COL7A1: variants seen among roughly 807,000 people sequenced by gnomAD.
COL7A1 encodes the protein collagen alpha-1(VII) chain.
In COL7A1, 296 loss-of-function variants were observed where a neutral mutation model predicts 456.2. That is an observed-to-expected ratio of 0.65 (90% confidence interval 0.59 to 0.71). The LOEUF is 0.71. Among genes scored for constraint, COL7A1 ranks in the 30% least tolerant of loss-of-function variants. The pLI is 0.00. For missense variants in COL7A1, 3,441 were observed against 4,017.2 expected (o/e 0.86, Z 3.88); for synonymous variants, 1,464 against 1,525.9 (o/e 0.96, Z 0.95).
Position 48,570,846 on chromosome 3 carries a change from T to A in COL7A1, c.7272+15A>T, listed in dbSNP as rs755523709. On this transcript the variant is annotated intron_variant, in intron 95 of 118. Transcript: ENST00000681320. The surrounding 1 kb of genome is among the most constrained non-coding windows in gnomAD (Gnocchi z 5.5). Reference sequence around the variant, plus strand: ...GGATTCACCATGCCCCTACATGCTGTTCCCAGCCCCTCACCCGCTCTCCAC... The same window carrying A: ...GGATTCACCATGCCCCTACATGCTGATCCCAGCCCCTCACCCGCTCTCCAC... 6.2e-7 allele frequency: 1 copy of A among 1,601,492 alleles called. No homozygotes were observed. The highest frequency in any genetic ancestry group is 1.1e-5 in the South Asian group (1 of 88,950).
rs973451990 is a variant in COL7A1, at chr3:48,575,815, C to G, written c.5856+52G>C. On this transcript the variant is annotated intron_variant, in intron 72 of 118. Transcript: ENST00000681320. The surrounding 1 kb of genome is among the most constrained non-coding windows in gnomAD (Gnocchi z 6.3). ...GCAGCCCCTATGCCTGTGGGCACCA[C>G]TAGCCCCAAGGGCCCCCACTTGTCC... 84 of 1,613,960 alleles carry G rather than the reference C, an allele frequency of 5.2e-5. No homozygotes were observed. Among genetic ancestry groups the G allele is most frequent in the South Asian group, 1.8e-4 (16 of 91,096 alleles).
rs753403021 is a variant in COL7A1, at chr3:48,574,775, C to T, written c.6348+22G>A. 15 of 1,613,818 alleles carry T rather than the reference C, an allele frequency of 9.3e-6. No individual in the cohort carries two copies. The highest frequency in any genetic ancestry group is 2.2e-5 in the South Asian group (2 of 91,090). On this transcript the variant is annotated intron_variant, in intron 77 of 118. Coordinates refer to ENST00000681320, the MANE Select transcript of COL7A1 (RefSeq NM_000094.4). The surrounding 1 kb of genome is among the most constrained non-coding windows in gnomAD (Gnocchi z 5.0). The stretch of plus-strand genomic sequence containing the variant: ...CTAGTGCCATGGCAGAGGGTGGCCC[C>T]GAGCTGATTCCACACACTGACCTTA...
Position 48,590,893 on chromosome 3 carries a change from G to A in COL7A1, c.1637-77C>T, listed in dbSNP as rs1004520009. ...TGGGACGATGGCAGTGATGGACAGG[G>A]ACGCAGAGTGAGAAGGGCCATGGGG... On this transcript the variant is annotated intron_variant, in intron 13 of 118. Coordinates refer to ENST00000681320, the MANE Select transcript of COL7A1 (RefSeq NM_000094.4). The surrounding 1 kb of genome is among the most constrained non-coding windows in gnomAD (Gnocchi z 4.6). 3.6e-6 allele frequency: 5 copies of A among 1,393,226 alleles called. No individual in the cohort carries two copies. In the African/African-American group the frequency reaches 4.3e-5, roughly 12 times the overall value. The allele number at this position is 1,393,226 out of a possible 1,614,324, so 86.3% of individuals were successfully genotyped here.
Position 48,571,976 on chromosome 3 carries a change from G to C in COL7A1, c.7068+25C>G. 1 of 1,609,484 alleles carries C rather than the reference G, an allele frequency of 6.2e-7. No homozygotes were observed. The highest frequency in any genetic ancestry group is 8.5e-7 in the Non-Finnish European group (1 of 1,178,240). ...CCATCACACTCCTCAGGCCAGGCTC[G>C]CCCTTGCCTAGGCCCCGGACTCACA... On this transcript the variant is annotated intron_variant, in intron 92 of 118. Transcript: ENST00000681320. This position sits in a 1 kb window ranked among gnomAD's most constrained non-coding sequence, Gnocchi z 4.6.
Position 48,567,513 on chromosome 3 carries a change from C to T in COL7A1, c.8046+61G>A. On this transcript the variant is annotated intron_variant, in intron 109 of 118. Coordinates refer to ENST00000681320, the MANE Select transcript of COL7A1 (RefSeq NM_000094.4). This position sits in a 1 kb window ranked among gnomAD's most constrained non-coding sequence, Gnocchi z 4.3. ...TTGTCCCTACACCCCCATGACCCGA[C>T]CATGAGCTTCCCTGCCCCATCCTGA... 1 of 1,609,744 alleles carries T rather than the reference C, an allele frequency of 6.2e-7. No individual in the cohort carries two copies. Among genetic ancestry groups the T allele is most frequent in the Non-Finnish European group, 8.5e-7 (1 of 1,176,160 alleles).
chr3:48,583,355 A>G lies in COL7A1; in HGVS notation c.4437+38T>C. On this transcript the variant is annotated intron_variant, in intron 42 of 118. Coordinates refer to ENST00000681320, the MANE Select transcript of COL7A1 (RefSeq NM_000094.4). The surrounding 1 kb of genome is among the most constrained non-coding windows in gnomAD (Gnocchi z 5.1). ...CCTAACACCATGGGGAGCCCAGAGT[A>G]GCACCCCTCACACCTGAATCCCCCA... 1 of 1,613,432 alleles carries G rather than the reference A, an allele frequency of 6.2e-7. No individual in the cohort carries two copies.
Position 48,566,405 on chromosome 3 carries a change from C to T in COL7A1, c.8359-90G>A, listed in dbSNP as rs867899188. 348 of 1,606,496 alleles carry T rather than the reference C, an allele frequency of 2.2e-4. 4 individuals carry two copies. In the Middle Eastern group the frequency reaches 7.7e-3, roughly 36 times the overall value. On this transcript the variant is annotated intron_variant, in intron 113 of 118. Coordinates refer to ENST00000681320, the MANE Select transcript of COL7A1 (RefSeq NM_000094.4). This position sits in a 1 kb window ranked among gnomAD's most constrained non-coding sequence, Gnocchi z 5.9. ...TAATACAGGGACTATGGTGAGACTG[C>T]ATGGAGCCAGGGCCCAGGGGTCAGG...
chr3:48,571,890 A>G lies in COL7A1; in HGVS notation c.7068+111T>C, dbSNP rs758045458. The G allele has an allele frequency of 2.3e-6, 3 of 1,325,576 alleles. No individual in the cohort carries two copies. Among genetic ancestry groups the G allele is most frequent in the Non-Finnish European group, 3.2e-6 (3 of 943,878 alleles). The allele number at this position is 1,325,576 out of a possible 1,614,324, so 82.1% of individuals were successfully genotyped here. On this transcript the variant is annotated intron_variant, in intron 92 of 118. Transcript: ENST00000681320. The surrounding 1 kb of genome is among the most constrained non-coding windows in gnomAD (Gnocchi z 4.6). ...AGAGCAGGCTCCTGGATGTTGGGAC[A>G]TGCAGCCCGACTCAGGGGCTCAGAC...
chr3:48,579,495 T>C lies in COL7A1; in HGVS notation c.5256A>G (p.Gly1752=), dbSNP rs1321089163. ...PGERGIEGFR[G]PPGPQGDPGV... The stretch of plus-strand genomic sequence containing the variant: ...CATCACTCACCTGTGGGCCTGGGGG[T>C]CCCCGAAACCCTTCAATGCCCTGAG... The change falls in exon 60 of 119, where the codon GGA becomes GGG. Residue 1752 remains glycine, a synonymous_variant. Transcript: ENST00000681320. This position sits in a 1 kb window ranked among gnomAD's most constrained non-coding sequence, Gnocchi z 4.4. The C allele has an allele frequency of 6.2e-7, 1 of 1,612,866 alleles. No individual in the cohort carries two copies. Among genetic ancestry groups the C allele is most frequent in the East Asian group, 2.2e-5 (1 of 44,776 alleles).
chr3:48,581,335 G>A lies in COL7A1; in HGVS notation c.4824C>T (p.Asp1608=), dbSNP rs749439721. The A allele has an allele frequency of 3.7e-6, 6 of 1,613,558 alleles. No individual in the cohort carries two copies. The highest frequency in any genetic ancestry group is 5.1e-6 in the Non-Finnish European group (6 of 1,179,944). The change falls in exon 52 of 119, where the codon GAC becomes GAT. Residue 1608 remains aspartate (D), a synonymous_variant. Coordinates refer to ENST00000681320, the MANE Select transcript of COL7A1 (RefSeq NM_000094.4). The surrounding 1 kb of genome is among the most constrained non-coding windows in gnomAD (Gnocchi z 5.8). ...GLTGRAGPPG[D]SGPPGEKGDP... is the part of the protein sequence containing the mutation. ...CTCCCTTCTCTCCAGGAGGCCCTGA[G>A]TCACCCTGTGGAGGAGGCAAGAGGG...
In COL7A1 at chr3:48,572,720, C is replaced by A; in HGVS notation, c.6851G>T (p.Gly2284Val). The A allele has an allele frequency of 6.2e-7, 1 of 1,609,380 alleles. No individual in the cohort carries two copies. The highest frequency in any genetic ancestry group is 1.1e-5 in the South Asian group (1 of 90,438). Residue 2284 changes from glycine (G) to valine (V), a missense_variant, in exon 88 of 119, where the codon GGC (glycine) becomes GTC (valine). Gly to Val is a moderately radical substitution (Grantham distance 109, BLOSUM62 -3). Coordinates refer to ENST00000681320, the MANE Select transcript of COL7A1 (RefSeq NM_000094.4). The surrounding 1 kb of genome is among the most constrained non-coding windows in gnomAD (Gnocchi z 4.6). The stretch of plus-strand genomic sequence containing the variant: ...AGGTTCTCCTTTAGGTCCGACAGGG[C>A]CAGGCAGACCTGGTGACCCCTATGG... ...PGVPGSPGLP[G>V]PVGPKGEPGP...
Position 48,588,363 on chromosome 3 carries a change from G to A in COL7A1, c.2629C>T (p.Gln877Ter). Reference sequence around the variant, plus strand: ...AGCCTCAGCGAGTGCTCCCCGCGCTGCACCACGTGAAGCGTCCCCAGGGCT... The same window carrying A: ...AGCCTCAGCGAGTGCTCCCCGCGCTACACCACGTGAAGCGTCCCCAGGGCT... ...PPALGTLHVV[Q>*]RGEHSLRLRW... Residue 877 changes from glutamine (Q) to a stop codon, truncating the protein, a stop_gained, in exon 21 of 119, where the codon CAG (glutamine) becomes TAG (stop). Coordinates refer to ENST00000681320, the MANE Select transcript of COL7A1 (RefSeq NM_000094.4). LOFTEE classifies it high-confidence loss of function. The surrounding 1 kb of genome is among the most constrained non-coding windows in gnomAD (Gnocchi z 4.6). 2 of 1,612,294 alleles carry A rather than the reference G, an allele frequency of 1.2e-6. No homozygotes were observed. Among genetic ancestry groups the A allele is most frequent in the Non-Finnish European group, 1.7e-6 (2 of 1,179,908 alleles).
At position 48,565,802 on chromosome 3, in the gene COL7A1, G is replaced by A; in HGVS notation, c.8408-134C>T. 1.2e-6 allele frequency: 1 copy of A among 859,852 alleles called. No homozygotes were observed. Among genetic ancestry groups the A allele is most frequent in the Non-Finnish European group, 1.9e-6 (1 of 523,784 alleles). The allele number at this position is 859,852 out of a possible 1,614,324, so 53.3% of individuals were successfully genotyped here. On this transcript the variant is annotated intron_variant, in intron 114 of 118. Transcript: ENST00000681320. The surrounding 1 kb of genome is among the most constrained non-coding windows in gnomAD (Gnocchi z 4.5). ...GCAGGAGAGGGTAACAGGAGAGAGAGGAAGAGAGAGGGTGGGAGGTAGATA... is the reference window on the plus strand; with the variant it reads ...GCAGGAGAGGGTAACAGGAGAGAGAAGAAGAGAGAGGGTGGGAGGTAGATA...
rs773559507 is a variant in COL7A1, at chr3:48,594,595, C to A, written c.86-47G>T. The A allele has an allele frequency of 6.5e-7, 1 of 1,534,870 alleles. No homozygotes were observed. The highest frequency in any genetic ancestry group is 1.4e-5 in the African/African-American group (1 of 73,030). On this transcript the variant is annotated intron_variant, in intron 2 of 118. Transcript: ENST00000681320. This position sits in a 1 kb window ranked among gnomAD's most constrained non-coding sequence, Gnocchi z 5.5. ...AGGGCCTCTTCTGGGAGGCCAACCA[C>A]CCGCCTACCCGCACGGTGGCCTCAC... is the stretch of plus-strand genomic sequence containing the variant.
At chr3:48,589,034 C>G in intron 18 of COL7A1, 39 bp from the exon 19 acceptor site, 1 of 1,612,678 alleles carries the variant, frequency 6.2e-7, no homozygotes, top group Admixed American at 1.7e-5. Flanking sequence ...TGGTAGAGAA[C>G]AGAGAGGCAG....
At chr3:48,577,153 T>C (rs2044368688) in intron 65 of COL7A1, 126 bp from the exon 66 acceptor site, 1 of 1,342,476 alleles carries the variant, frequency 7.4e-7, no homozygotes, top group Non-Finnish European at 1.1e-6. Flanking sequence ...TGTGTGTGTC[T>C]TGGAGCATGG....
Position 48,586,893 on chromosome 3 carries a change from G to A in COL7A1, c.3276+79C>T. On this transcript the variant is annotated intron_variant, in intron 25 of 118. Transcript: ENST00000681320. This position sits in a 1 kb window ranked among gnomAD's most constrained non-coding sequence, Gnocchi z 5.1. ...GGAGAATGCCTGAACCTATTGGGTG[G>A]TCAGGAGATGGTAACTGGTATGGAG... 1 of 1,546,016 alleles carries A rather than the reference G, an allele frequency of 6.5e-7. No individual in the cohort carries two copies. The highest frequency in any genetic ancestry group is 8.8e-7 in the Non-Finnish European group (1 of 1,142,578).
In COL7A1 at chr3:48,592,500, T is replaced by G. The variant is rs759455445; in HGVS notation, c.977-33A>C. 5 of 1,612,060 alleles carry G rather than the reference T, an allele frequency of 3.1e-6. No homozygotes were observed. Among genetic ancestry groups the G allele is most frequent in the Non-Finnish European group, 3.4e-6 (4 of 1,179,598 alleles). Reference sequence around the variant, plus strand: ...AGAGTCCCACCAGGGATTCATGGAGTCAGAAGTGGGAGGGGGTACTGGGGT... The same window carrying G: ...AGAGTCCCACCAGGGATTCATGGAGGCAGAAGTGGGAGGGGGTACTGGGGT... On this transcript the variant is annotated intron_variant, in intron 8 of 118. Transcript: ENST00000681320. This position sits in a 1 kb window ranked among gnomAD's most constrained non-coding sequence, Gnocchi z 7.6.
Position 48,575,600 on chromosome 3 carries a change from C to T in COL7A1, c.5979+26G>A, listed in dbSNP as rs1189590667. The T allele has an allele frequency of 5.6e-6, 9 of 1,612,856 alleles. No individual in the cohort carries two copies. Among genetic ancestry groups the T allele is most frequent in the Admixed American group, 1.7e-5 (1 of 60,034 alleles). On this transcript the variant is annotated intron_variant, in intron 73 of 118. Coordinates refer to ENST00000681320, the MANE Select transcript of COL7A1 (RefSeq NM_000094.4). The surrounding 1 kb of genome is among the most constrained non-coding windows in gnomAD (Gnocchi z 6.3). ...CAGCTACACCCCACTCCACGGGGCACAACCCACTGAGCCACTTCTGCTCAC... is the reference window on the plus strand; with the variant it reads ...CAGCTACACCCCACTCCACGGGGCATAACCCACTGAGCCACTTCTGCTCAC...
Sources: allele counts gnomAD v4.1 joint callset, GRCh38; gene constraint gnomAD v4.1.1; non-coding constraint Gnocchi (gnomAD v3.1); transcripts MANE v1.5; gene names NCBI Gene and HGNC (gene_info 2026-07-23, HGNC 2026-07-21).